SLC23A2: variants seen among roughly 807,000 people sequenced by gnomAD.
SLC23A2 encodes the protein Na(+)/L-ascorbic acid transporter 2.
A neutral mutation model predicts 73.3 loss-of-function variants in SLC23A2; 36 were observed. The ratio of observed to expected loss-of-function variants is 0.49; its 90% confidence interval spans 0.38 to 0.65. The LOEUF (loss-of-function observed/expected upper bound fraction) is 0.65, where lower values mean the gene tolerates loss of function less well. Among genes scored for constraint, SLC23A2 ranks in the 30% least tolerant of loss-of-function variants. The probability of loss-of-function intolerance (pLI) is 0.00; values close to 1 mark genes in which losing one functional copy is unlikely to be tolerated. For missense variants in SLC23A2, 507 were observed against 841.6 expected, an observed-to-expected ratio of 0.60 and a Z score of 4.92; for synonymous variants, 343 against 327.3, an observed-to-expected ratio of 1.05 and a Z score of -0.52.
intron 2 of SLC23A2, among the ~76,000 whole-genome samples, chr20:4,968,593 G>A (rs2087511438): frequency 1.3e-5 from 2 of 152,120 alleles, no homozygotes; most frequent in African/African-American, 4.8e-5. Context: ...ATGAACTAAG[G>A]GAGTGATTTC....
chr20:4,874,109 G>GA lies in SLC23A2; in HGVS notation c.946-18dup, dbSNP rs745580159. 6.2e-7 allele frequency: 1 copy of GA among 1,608,122 alleles called. No individual in the cohort carries two copies. The highest frequency in any genetic ancestry group is 1.1e-5 in the South Asian group (1 of 90,220). On this transcript the variant is annotated splice_polypyrimidine_tract_variant and intron_variant, in intron 10 of 16. Coordinates refer to ENST00000338244, the MANE Select transcript of SLC23A2 (RefSeq NM_005116.6). ...CAGGATGATCTGGAGTGGTCAAGGG[G>GA]AAGCTCTGTCAGGCCAGCAGGGCTC...
intron 6 of SLC23A2, among the ~76,000 whole-genome samples, chr20:4,890,348 C>G (rs1469403561): frequency 1.3e-5 from 2 of 152,010 alleles, no homozygotes; most frequent in African/African-American, 2.4e-5. Flanking sequence ...GTGTGTGTAC[C>G]AACTACTTTT....
intron 11 of SLC23A2, among the ~76,000 whole-genome samples, chr20:4,871,649 T>C (rs1930452258): frequency 6.6e-6 from 1 of 152,104 alleles, no homozygotes; most frequent in East Asian, 1.9e-4. Context: ...GCCTCAGGCT[T>C]GTTCATTCTG....
intron 6 of SLC23A2, among the ~76,000 whole-genome samples, chr20:4,895,526 C>T (rs1264600561): frequency 2.6e-5 from 4 of 152,104 alleles, no homozygotes; most frequent in Non-Finnish European, 4.4e-5. Context: ...TAATAATCTA[C>T]AAAAACACAA....
intron 4 of SLC23A2, among the ~76,000 whole-genome samples, chr20:4,905,964 T>C (rs1456819675): frequency 6.6e-6 from 1 of 152,262 alleles, no homozygotes; most frequent in African/African-American, 2.4e-5. Flanking sequence ...GCATGTATTA[T>C]TCTCTTGTAC....
intron 1 of SLC23A2, among the ~76,000 whole-genome samples, chr20:4,987,343 C>T (rs2087846790): frequency 6.6e-6 from 1 of 152,180 alleles, no homozygotes; most frequent in South Asian, 2.1e-4. Flanking sequence ...AGCAGCTGCA[C>T]AATCCAACAG....
chr20:4,926,389 T>A (rs562830485), intron 3 of SLC23A2, among the ~76,000 whole-genome samples: 1 of 152,276 alleles, frequency 6.6e-6, no homozygotes, highest in South Asian at 2.1e-4. Context: ...TAACTGGGCT[T>A]CCAGGTTTAG....
intron 2 of SLC23A2, among the ~76,000 whole-genome samples, chr20:4,941,215 C>T (rs1433474191): frequency 6.6e-6 from 1 of 151,778 alleles, no homozygotes; most frequent in East Asian, 1.9e-4. Context: ...TGCTGGACCA[C>T]ACTGTGCCTA....
chr20:4,884,549 C>T (rs1001076067), intron 8 of SLC23A2, among the ~76,000 whole-genome samples: 5 of 152,178 alleles, frequency 3.3e-5, no homozygotes, highest in African/African-American at 1.2e-4. Context: ...GGAAACCATT[C>T]CTTAAGGTTG....
chr20:5,006,369 A>C (rs1018641376), upstream of SLC23A2, among the ~76,000 whole-genome samples: 2 of 151,554 alleles, frequency 1.3e-5, no homozygotes, highest in Non-Finnish European at 2.9e-5. Flanking sequence ...AGTGCTAGGA[A>C]TTACAGGCGT....
rs573934705 is a variant in SLC23A2, at chr20:4,891,648, G to A, written c.483-5739C>T. On this transcript the variant is annotated intron_variant, in intron 6 of 16. Transcript: ENST00000338244. Reference sequence around the variant, plus strand: ...TCCAGCCCTTGCTCGCTGTGCACCCGCTGCACTACCTGCCTCCTTCCCTCC... The same window carrying A: ...TCCAGCCCTTGCTCGCTGTGCACCCACTGCACTACCTGCCTCCTTCCCTCC... Among the ~76,000 whole-genome samples, 23 of 152,326 alleles carry A rather than the reference G, an allele frequency of 1.5e-4. No individual in the cohort carries two copies. In the East Asian group the frequency reaches 1.5e-3, roughly 10 times the overall value.
chr20:4,933,840 A>G (rs918283404), intron 2 of SLC23A2, among the ~76,000 whole-genome samples: 1 of 152,172 alleles, frequency 6.6e-6, no homozygotes, highest in African/African-American at 2.4e-5. Flanking sequence ...GGAATAAAGA[A>G]TCCAACCAAG....
At chr20:4,889,392 C>T (rs950930030) in intron 6 of SLC23A2, among the ~76,000 whole-genome samples, 1 of 151,756 alleles carries the variant, frequency 6.6e-6, no homozygotes, top group African/African-American at 2.4e-5. Flanking sequence ...ATGACAAATG[C>T]CCCGCATTCT....
chr20:4,882,219 A>T (rs924387572), intron 9 of SLC23A2, among the ~76,000 whole-genome samples: 2 of 152,160 alleles, frequency 1.3e-5, no homozygotes, highest in Admixed American at 1.3e-4. Context: ...TACTAAAAAT[A>T]CAAAAACTAG....
chr20:4,867,885 A>G lies in SLC23A2; in HGVS notation c.1251-10T>C, dbSNP rs1420575761. The G allele has an allele frequency of 1.4e-6, 2 of 1,471,530 alleles. No homozygotes were observed. The highest frequency in any genetic ancestry group is 1.1e-5 in the South Asian group (1 of 88,096). 91.2% of individuals were successfully genotyped at this position (1,471,530 alleles called of 1,614,324 possible). ...TTCCACGAAAATTCCCCTAAGATGT[A>G]AAGGAATGGAGGAAAGAAAATCATT... On this transcript the variant is annotated splice_polypyrimidine_tract_variant and intron_variant, in intron 12 of 16. Transcript: ENST00000338244.
At chr20:4,922,842 A>AGC (rs1329399180) in intron 3 of SLC23A2, among the ~76,000 whole-genome samples, 132 of 125,536 alleles carry the variant, frequency 1.1e-3, no homozygotes, top group Non-Finnish European at 1.4e-3. Context: ...AAAAAAAAAA[A>AGC]GCACACACAC....
chr20:4,969,073 G>T (rs765118508), intron 2 of SLC23A2, among the ~76,000 whole-genome samples: 22 of 148,908 alleles, frequency 1.5e-4, no homozygotes, highest in Admixed American at 3.4e-4. Context: ...GTGTTTTTTG[G>T]TTTTTTTTGT....
chr20:5,008,329 G>C (rs1363128669), intron 1 of SLC23A2, among the ~76,000 whole-genome samples: 1 of 152,104 alleles, frequency 6.6e-6, no homozygotes, highest in Non-Finnish European at 1.5e-5. Flanking sequence ...TGAAAAAAGA[G>C]AGCGTTTAAA....
chr20:4,898,584 G>T lies in SLC23A2; in HGVS notation c.482+971C>A, dbSNP rs532825697. On this transcript the variant is annotated intron_variant, in intron 6 of 16. Coordinates refer to ENST00000338244, the MANE Select transcript of SLC23A2 (RefSeq NM_005116.6). ...CAGAGCAGGCTCCACTTCCTGAGCA[G>T]TGCCCTGGGGTAAAGCAAGAGGCTG... 4.6e-5 allele frequency among the ~76,000 whole-genome samples: 7 copies of T among 152,360 alleles called. No individual in the cohort carries two copies. In the South Asian group the frequency reaches 1.4e-3, roughly 32 times the overall value.
Sources: allele counts gnomAD v4.1 joint callset (sites outside exome capture counted in the v4.1 genomes callset), GRCh38; gene constraint gnomAD v4.1.1; transcripts MANE v1.5; gene names NCBI Gene and HGNC (gene_info 2026-07-23, HGNC 2026-07-21).